Variants in CAST observed in about 807,000 individuals in gnomAD.
The protein encoded by CAST is calpastatin.
CAST carries 76 observed loss-of-function variants against 119.6 expected under a neutral mutation model. The ratio of observed to expected loss-of-function variants is 0.64; its 90% CI spans 0.53 to 0.77. CAST has a LOEUF of 0.77. CAST is among the 30% of genes least tolerant of loss of function. CAST has a pLI of 0.00. For missense variants in CAST, 953 were observed against 946.5 expected (o/e 1.01, Z -0.09); for synonymous variants, 319 against 331.6 (o/e 0.96, Z 0.41).
upstream of CAST, among the ~76,000 whole-genome samples, chr5:96,660,316 C>T (rs1748249568): frequency 1.3e-5 from 2 of 152,154 alleles, no homozygotes; most frequent in African/African-American, 2.4e-5. Flanking sequence ...CACCTTTGTA[C>T]TTACTCACAC....
At chr5:96,081,517 C>T in the CAST span, among the ~76,000 whole-genome samples, 1 of 152,102 alleles carries the variant, frequency 6.6e-6, no homozygotes, top group African/African-American at 2.4e-5. Context: ...CAGAATGATC[C>T]CATGTACCTT....
the CAST span, among the ~76,000 whole-genome samples, chr5:96,120,517 T>C: frequency 6.6e-6 from 1 of 151,734 alleles, no homozygotes; most frequent in African/African-American, 2.4e-5. Context: ...TGGTTCTCTG[T>C]TGCATATAAT....
the CAST span, among the ~76,000 whole-genome samples, chr5:96,047,001 A>G: frequency 2.0e-5 from 3 of 152,318 alleles, no homozygotes; most frequent in African/African-American, 2.4e-5. Context: ...TGGGAGATAT[A>G]ATTCAAGTTG....
At chr5:96,624,404 A>C (rs562313643) in intron 1 of CAST, among the ~76,000 whole-genome samples, 5 of 152,226 alleles carry the variant, frequency 3.3e-5, no homozygotes, top group Non-Finnish European at 7.3e-5. Flanking sequence ...ACAAACTAAC[A>C]TGTCCAGTTT....
intron 1 of CAST, among the ~76,000 whole-genome samples, chr5:96,591,202 C>G (rs1029125063): frequency 6.6e-6 from 1 of 152,194 alleles, no homozygotes; most frequent in Non-Finnish European, 1.5e-5. Flanking sequence ...AGATGTCAGC[C>G]TAAATAACCG....
the CAST span, among the ~76,000 whole-genome samples, chr5:96,318,140 T>C: frequency 6.6e-6 from 1 of 152,212 alleles, no homozygotes; most frequent in Admixed American, 6.5e-5. Flanking sequence ...AAAAACATAT[T>C]TGTAACCATA....
At chr5:96,250,940 A>G in the CAST span, among the ~76,000 whole-genome samples, 4 of 152,214 alleles carry the variant, frequency 2.6e-5, no homozygotes, top group East Asian at 3.9e-4. Context: ...CAATTCATGT[A>G]CAAGGTACAG....
the CAST span, among the ~76,000 whole-genome samples, chr5:96,239,814 T>G: frequency 6.6e-6 from 1 of 152,128 alleles, no homozygotes; most frequent in Non-Finnish European, 1.5e-5. Context: ...AAGTATATTC[T>G]TCACATCACT....
chr5:96,273,106 G>C, the CAST span, among the ~76,000 whole-genome samples: 7 of 152,226 alleles, frequency 4.6e-5, no homozygotes, highest in Non-Finnish European at 8.8e-5. Context: ...AACAACCCTA[G>C]AGAAGAACTT....
At chr5:96,259,450 C>T in the CAST span, among the ~76,000 whole-genome samples, 2 of 152,196 alleles carry the variant, frequency 1.3e-5, no homozygotes, top group Admixed American at 1.3e-4. Context: ...AACTGAGTAA[C>T]ATGACTAAGC....
chr5:96,643,540 C>T (rs1747979170), intron 1 of CAST, among the ~76,000 whole-genome samples: 1 of 151,800 alleles, frequency 6.6e-6, no homozygotes, highest in South Asian at 2.1e-4. Flanking sequence ...GAGTTCGAGA[C>T]CAGTCTGACC....
At chr5:96,691,666 T>C (rs1752742265) in intron 2 of CAST, among the ~76,000 whole-genome samples, 1 of 152,128 alleles carries the variant, frequency 6.6e-6, no homozygotes, top group Non-Finnish European at 1.5e-5. Context: ...ACCCTCAAAA[T>C]CACCTTCCGA....
At chr5:96,373,556 T>C in the CAST span, among the ~76,000 whole-genome samples, 1 of 152,294 alleles carries the variant, frequency 6.6e-6, no homozygotes, top group African/African-American at 2.4e-5. Flanking sequence ...TTGCTTCATA[T>C]CCTGGATGCA....
the CAST span, among the ~76,000 whole-genome samples, chr5:96,067,686 T>G: frequency 6.6e-5 from 10 of 152,280 alleles, no homozygotes; most frequent in African/African-American, 2.2e-4. Context: ...CCTTTCCCTC[T>G]GTCAGTTATA....
chr5:96,184,352 T>C, the CAST span, among the ~76,000 whole-genome samples: 1 of 152,236 alleles, frequency 6.6e-6, no homozygotes, highest in African/African-American at 2.4e-5. Flanking sequence ...CTTTTCTTTT[T>C]TCTTCAACTT....
chr5:96,245,910 C>A, the CAST span, among the ~76,000 whole-genome samples: 142 of 152,240 alleles, frequency 9.3e-4, 2 homozygotes, highest in South Asian at 0.027. Context: ...AGAATGAACT[C>A]TGTGTGTTCA....
At chr5:96,554,237 C>T (rs1384833221) in intron 1 of CAST, among the ~76,000 whole-genome samples, 3 of 152,106 alleles carry the variant, frequency 2.0e-5, no homozygotes. Context: ...ACAGAGGCCT[C>T]AGAAATAACA....
At chr5:96,413,573 G>T in the CAST span, among the ~76,000 whole-genome samples, 1 of 152,090 alleles carries the variant, frequency 6.6e-6, no homozygotes, top group Non-Finnish European at 1.5e-5. Flanking sequence ...GCCGAGGTGG[G>T]TGGATCACTT....
At chr5:96,626,083 A>C (rs1747716737) in intron 1 of CAST, among the ~76,000 whole-genome samples, 1 of 151,992 alleles carries the variant, frequency 6.6e-6, no homozygotes, top group Non-Finnish European at 1.5e-5. Flanking sequence ...TTCCCCTAAT[A>C]AATCTCTGGC....
Sources: gnomAD v4.1 joint callset for allele counts (sites outside exome capture counted in the v4.1 genomes callset) on GRCh38, gnomAD v4.1.1 for gene constraint, MANE v1.5 for transcripts, NCBI Gene and HGNC (gene_info 2026-07-23, HGNC 2026-07-21) for gene names.